PPIL2: variants seen among roughly 807,000 people sequenced by gnomAD.
PPIL2 encodes the protein RING-type E3 ubiquitin-protein ligase PPIL2.
In PPIL2, 50 loss-of-function variants were observed where a neutral mutation model predicts 75.2. That is an observed-to-expected ratio of 0.66 (90% CI 0.53 to 0.84). PPIL2 has a LOEUF of 0.84. PPIL2 is among the 40% of genes least tolerant of loss of function. The pLI, the probability that PPIL2 is intolerant of heterozygous loss-of-function variation, is 0.00. For synonymous variants in PPIL2, 245 were observed against 258.8 expected (o/e 0.95, Z 0.51); for missense variants, 590 against 685.0 (o/e 0.86, Z 1.55).
At chr22:21,690,001 C>T (rs1197971405) in intron 15 of PPIL2, among the ~76,000 whole-genome samples, 1 of 152,166 alleles carries the variant, frequency 6.6e-6, no homozygotes, top group Non-Finnish European at 1.5e-5. Context: ...GTTGTGTGGA[C>T]TGGCTCCAGC....
At chr22:21,691,958 G>T (rs986106152) in intron 15 of PPIL2, among the ~76,000 whole-genome samples, 1 of 152,120 alleles carries the variant, frequency 6.6e-6, no homozygotes, top group South Asian at 2.1e-4. Flanking sequence ...TGCAGTGGAG[G>T]TTAAGTCCTG....
At chr22:21,682,887 G>A (rs892860059) in intron 8 of PPIL2, among the ~76,000 whole-genome samples, 20 of 152,220 alleles carry the variant, frequency 1.3e-4, no homozygotes, top group Non-Finnish European at 2.5e-4. Context: ...GGCTGCCCAC[G>A]TTCCGGTCCG....
chr22:21,690,343 C>A (rs1452993247), intron 15 of PPIL2, among the ~76,000 whole-genome samples: 1 of 151,566 alleles, frequency 6.6e-6, no homozygotes, highest in South Asian at 2.1e-4. Flanking sequence ...AGGATCGCGC[C>A]ACTGCACTCT....
chr22:21,684,749 G>A lies in PPIL2; in HGVS notation c.554-4G>A. ...CGGCTCAGGGCCATGCTACTGTTTT[G>A]TAGATGAAGAGAAGGCCAAACAGGA... On this transcript the variant is annotated splice_polypyrimidine_tract_variant and splice_region_variant and intron_variant, in intron 9 of 19. Coordinates refer to ENST00000398831, the MANE Select transcript of PPIL2 (RefSeq NM_014337.4). 6.2e-7 allele frequency: 1 copy of A among 1,613,764 alleles called. No homozygotes were observed. The highest frequency in any genetic ancestry group is 8.5e-7 in the Non-Finnish European group (1 of 1,179,950).
At chr22:21,692,294 T>A (rs959555821) in intron 15 of PPIL2, among the ~76,000 whole-genome samples, 3 of 152,106 alleles carry the variant, frequency 2.0e-5, no homozygotes, top group Non-Finnish European at 4.4e-5. Context: ...TAGCTGGGAC[T>A]ACAGGCGCCC....
chr22:21,688,034 C>T (rs1395639334), intron 13 of PPIL2, 39 bp from the exon 14 acceptor site: 8 of 1,613,870 alleles, frequency 5.0e-6, no homozygotes, highest in Non-Finnish European at 6.8e-6. Flanking sequence ...GGCCTCGGGT[C>T]TCAGAGTGTG....
intron 15 of PPIL2, among the ~76,000 whole-genome samples, chr22:21,692,352 C>G (rs1216925590): frequency 1.3e-5 from 2 of 151,446 alleles, no homozygotes; most frequent in African/African-American, 4.8e-5. Flanking sequence ...GATGGGGTTT[C>G]ACCGTGTTAG....
intron 9 of PPIL2, 93 bp from the exon 10 acceptor site, chr22:21,684,660 C>T (rs1454838634): frequency 5.9e-5 from 87 of 1,463,184 alleles, no homozygotes; most frequent in East Asian, 2.9e-4. Context: ...CATGGCTGGA[C>T]GGCCCTGGGC....
chr22:21,697,339 C>T lies in PPIL2; in HGVS notation c.*1849C>T, dbSNP rs936724311. The stretch of plus-strand genomic sequence containing the variant: ...GACCCTGTGCCCACCCTGACAGACA[C>T]CCTGGCTGGCCCTGACTGACTGTAT... On this transcript the variant is annotated 3_prime_UTR_variant, in exon 20 of 20. Transcript: ENST00000398831. The T allele has an allele frequency of 1.8e-5, 5 of 276,504 alleles. No individual in the cohort carries two copies. The highest frequency in any genetic ancestry group is 1.1e-4 in the African/African-American group (5 of 45,794). The allele number at this position is 276,504 out of a possible 1,614,324, so 17.1% of individuals were successfully genotyped here. A position where few individuals can be genotyped will look rare whatever the true frequency, so the allele number is the denominator to read the frequency against.
chr22:21,697,180 A>G lies in PPIL2; in HGVS notation c.*1690A>G. On this transcript the variant is annotated 3_prime_UTR_variant, in exon 20 of 20. Coordinates refer to ENST00000398831, the MANE Select transcript of PPIL2 (RefSeq NM_014337.4). ...CTCAGACACCAAGCTGGGCCTGCAG[A>G]GGAGGGGCACAGTAGGACACAGTGA... 1 of 624,388 alleles carries G rather than the reference A, an allele frequency of 1.6e-6. No homozygotes were observed. Among genetic ancestry groups the G allele is most frequent in the Non-Finnish European group, 2.8e-6 (1 of 360,870 alleles). The allele number at this position is 624,388 out of a possible 1,614,324, so 38.7% of individuals were successfully genotyped here. A position where few individuals can be genotyped will look rare whatever the true frequency, so the allele number is the denominator to read the frequency against.
chr22:21,680,411 G>C (rs921461213), intron 6 of PPIL2, among the ~76,000 whole-genome samples: 14 of 152,182 alleles, frequency 9.2e-5, no homozygotes, highest in African/African-American at 3.4e-4. Flanking sequence ...CATGCCTGTA[G>C]TCTCAGCTAC....
chr22:21,692,502 C>T (rs1184064293), intron 15 of PPIL2, among the ~76,000 whole-genome samples: 3 of 151,672 alleles, frequency 2.0e-5, no homozygotes, highest in African/African-American at 7.3e-5. Flanking sequence ...TGGTCTGTTG[C>T]GTTCTATGAT....
intron 14 of PPIL2, 36 bp downstream of exon 14, chr22:21,688,142 T>C: frequency 1.9e-6 from 3 of 1,613,918 alleles, no homozygotes; most frequent in South Asian, 2.2e-5. Context: ...CTGGGCACTT[T>C]GGCTGCTCCG....
chr22:21,682,528 T>A lies in PPIL2; in HGVS notation c.477+2T>A, dbSNP rs955202446. On this transcript the variant is annotated splice_donor_variant, in intron 8 of 19. Transcript: ENST00000398831. LOFTEE classifies it high-confidence loss of function. Reference sequence around the variant, plus strand: ...CGGCAGGACATCATCACCCTCCAGGTGAGTGTCCCCTGCCTGCCTGCCCCA... The same window carrying A: ...CGGCAGGACATCATCACCCTCCAGGAGAGTGTCCCCTGCCTGCCTGCCCCA... 1 of 1,580,074 alleles carries A rather than the reference T, an allele frequency of 6.3e-7. No individual in the cohort carries two copies. The highest frequency in any genetic ancestry group is 8.6e-7 in the Non-Finnish European group (1 of 1,164,302).
chr22:21,677,300 C>A (rs2066913497), intron 6 of PPIL2, among the ~76,000 whole-genome samples: 1 of 152,134 alleles, frequency 6.6e-6, no homozygotes, highest in Admixed American at 6.6e-5. Context: ...AGGGTGGCGG[C>A]CGGGCAGAGG....
In PPIL2 at chr22:21,673,834, G is replaced by A. The variant is rs1310562653; in HGVS notation, c.244-1230G>A. 3.3e-5 allele frequency among the ~76,000 whole-genome samples: 5 copies of A among 152,168 alleles called. No homozygotes were observed. In the East Asian group the frequency reaches 9.6e-4, roughly 29 times the overall value. On this transcript the variant is annotated intron_variant, in intron 5 of 19. Transcript: ENST00000398831. ...CTGGCTGGCCCATGTGACTTTTGGG[G>A]GCTCAGGAGGAGCCTGTTGTGTTGG...
chr22:21,686,949 GGC>G lies in PPIL2; in HGVS notation c.849_850del (p.Leu284AlafsTer121). 1 of 1,614,060 alleles carries G rather than the reference GGC, an allele frequency of 6.2e-7. No homozygotes were observed. The highest frequency in any genetic ancestry group is 8.5e-7 in the Non-Finnish European group (1 of 1,180,006). On this transcript the variant is annotated frameshift_variant, in exon 12 of 20. Coordinates refer to ENST00000398831, the MANE Select transcript of PPIL2 (RefSeq NM_014337.4). LOFTEE classifies it high-confidence loss of function. ...TTTGTGAAGAAGAAGGGCTACGTGC[GGC>G]TGCACACCAACAAGGGCGACCTCAA...
In PPIL2 at chr22:21,681,349, AT is replaced by A; in HGVS notation, c.347del (p.Ile116ThrfsTer4). 1 of 1,614,128 alleles carries A rather than the reference AT, an allele frequency of 6.2e-7. No homozygotes were observed. Among genetic ancestry groups the A allele is most frequent in the Non-Finnish European group, 8.5e-7 (1 of 1,179,986 alleles). On this transcript the variant is annotated frameshift_variant, in exon 7 of 20. Transcript: ENST00000398831. LOFTEE classifies it high-confidence loss of function. Reference sequence around the variant, plus strand: ...TACCGTGTTCACCAACAACACCCACATCGTGGCTGTGAGGACGACCGGCAAC... The same window carrying A: ...TACCGTGTTCACCAACAACACCCACACGTGGCTGTGAGGACGACCGGCAAC... ...LFTVFTNNTH[I>X]VAVRTTGNVY...
intron 6 of PPIL2, 104 bp from the exon 7 acceptor site, chr22:21,681,195 C>T (rs796683693): frequency 5.7e-5 from 52 of 911,244 alleles, no homozygotes; most frequent in Middle Eastern, 4.4e-4. Flanking sequence ...CTCCTCCCAT[C>T]GCTGACTTTG....
Sources: gnomAD v4.1 joint callset for allele counts (sites outside exome capture counted in the v4.1 genomes callset) on GRCh38, gnomAD v4.1.1 for gene constraint, MANE v1.5 for transcripts, NCBI Gene and HGNC (gene_info 2026-07-23, HGNC 2026-07-21) for gene names.